Variants in TENM3 observed in about 807,000 individuals in gnomAD.
TENM3 encodes teneurin transmembrane protein 3, also known as teneurin-3.
A neutral mutation model predicts 255.1 loss-of-function variants in TENM3; 63 were observed. That is an observed-to-expected ratio of 0.25 (90% CI 0.20 to 0.30). The LOEUF (loss-of-function observed/expected upper bound fraction) is 0.30, where lower values mean the gene tolerates loss of function less well. Among genes scored for constraint, TENM3 ranks in the 10% least tolerant of loss-of-function variants. The probability of loss-of-function intolerance (pLI) is 1.00; values close to 1 mark genes in which losing one functional copy is unlikely to be tolerated. For synonymous variants in TENM3, 1,306 were observed against 1,322.3 expected, an observed-to-expected ratio of 0.99 and a Z score of 0.27; for missense variants, 2,929 against 3,461.1, an observed-to-expected ratio of 0.85 and a Z score of 3.86.
At chr4:181,893,187 A>G in the TENM3 span, among the ~76,000 whole-genome samples, 1 of 152,178 alleles carries the variant, frequency 6.6e-6, no homozygotes, top group South Asian at 2.1e-4. Flanking sequence ...TAAATGAAAA[A>G]GACTGAATAA....
the TENM3 span, among the ~76,000 whole-genome samples, chr4:181,896,241 T>C: frequency 2.6e-5 from 4 of 152,192 alleles, no homozygotes. Context: ...ATCTAAAAGC[T>C]AGAGAATTTG....
chr4:182,345,640 C>T (rs192162966), intron 2 of TENM3, among the ~76,000 whole-genome samples: 54 of 152,264 alleles, frequency 3.5e-4, no homozygotes, highest in Admixed American at 3.5e-3. Flanking sequence ...ACATTTTTCT[C>T]ACTCTTCTCA....
At chr4:181,835,679 A>G in the TENM3 span, among the ~76,000 whole-genome samples, 2 of 152,204 alleles carry the variant, frequency 1.3e-5, no homozygotes, top group African/African-American at 4.8e-5. Context: ...TACTCCAGTT[A>G]TTTAATGAAG....
chr4:181,572,795 T>G, the TENM3 span, among the ~76,000 whole-genome samples: 1 of 152,220 alleles, frequency 6.6e-6, no homozygotes, highest in Admixed American at 6.5e-5. Context: ...TATTGTTGAC[T>G]GTAATCACTT....
chr4:182,500,348 A>G (rs1736194187), intron 3 of TENM3, among the ~76,000 whole-genome samples: 2 of 152,198 alleles, frequency 1.3e-5, no homozygotes, highest in African/African-American at 4.8e-5. Context: ...AAAAGGGACA[A>G]TAGAAAAATG....
the TENM3 span, among the ~76,000 whole-genome samples, chr4:181,998,866 A>G: frequency 1.3e-5 from 2 of 152,196 alleles, no homozygotes; most frequent in Admixed American, 6.5e-5. Flanking sequence ...GCCCTGGTCA[A>G]ATTCCCAGCT....
At chr4:182,097,117 A>G in the TENM3 span, among the ~76,000 whole-genome samples, 3 of 152,296 alleles carry the variant, frequency 2.0e-5, no homozygotes, top group African/African-American at 7.2e-5. Flanking sequence ...TGTGGCTGAC[A>G]AGGTTCAATT....
chr4:182,666,315 C>T (rs539190666), intron 6 of TENM3, among the ~76,000 whole-genome samples: 17 of 152,132 alleles, frequency 1.1e-4, no homozygotes, highest in Non-Finnish European at 2.4e-4. Flanking sequence ...GGGTTGACTC[C>T]GATTCTGAAA....
chr4:181,855,541 G>A, the TENM3 span, among the ~76,000 whole-genome samples: 2 of 152,146 alleles, frequency 1.3e-5, no homozygotes, highest in Non-Finnish European at 2.9e-5. Context: ...ACAGGGGTTT[G>A]TTTGGCTCCC....
chr4:182,712,510 TTGTC>T (rs754901735), intron 12 of TENM3, among the ~76,000 whole-genome samples: 15 of 151,970 alleles, frequency 9.9e-5, no homozygotes, highest in Non-Finnish European at 1.9e-4. Flanking sequence ...CAGACGGTAA[TTGTC>T]TGAGCGAAAA....
chr4:181,682,816 G>A, the TENM3 span, among the ~76,000 whole-genome samples: 3 of 152,210 alleles, frequency 2.0e-5, no homozygotes, highest in East Asian at 3.9e-4. Flanking sequence ...GGTGGGTAAA[G>A]GGAGAGGCTT....
At chr4:181,828,355 A>G in the TENM3 span, among the ~76,000 whole-genome samples, 7 of 152,190 alleles carry the variant, frequency 4.6e-5, no homozygotes, top group Non-Finnish European at 7.3e-5. Flanking sequence ...GAGGATGCCA[A>G]ATAATATTCC....
chr4:182,449,060 ACAG>A (rs1773205369), intron 3 of TENM3: 1 of 348,586 alleles, frequency 2.9e-6, no homozygotes, highest in Non-Finnish European at 5.8e-6. Flanking sequence ...CCTCACGGCC[ACAG>A]CGAGGGCGCG....
chr4:181,897,660 G>A, the TENM3 span, among the ~76,000 whole-genome samples: 9 of 152,150 alleles, frequency 5.9e-5, no homozygotes, highest in Non-Finnish European at 1.3e-4. Context: ...AGAGATCACT[G>A]GAAATACTGA....
intron 3 of TENM3, among the ~76,000 whole-genome samples, chr4:182,530,671 C>T (rs777597897): frequency 6.6e-6 from 1 of 152,124 alleles, no homozygotes; most frequent in South Asian, 2.1e-4. Flanking sequence ...CTAATGTCCC[C>T]GGGGGAAAAA....
chr4:181,503,788 G>T, the TENM3 span, among the ~76,000 whole-genome samples: 1 of 152,194 alleles, frequency 6.6e-6, no homozygotes, highest in African/African-American at 2.4e-5. Flanking sequence ...GTGGTTCTCA[G>T]CCAAGAGCTT....
chr4:182,504,047 A>G (rs1466035945), intron 3 of TENM3, among the ~76,000 whole-genome samples: 3 of 151,826 alleles, frequency 2.0e-5, no homozygotes, highest in Non-Finnish European at 4.4e-5. Flanking sequence ...GCCTTTCCCA[A>G]CTAGAATATT....
At chr4:182,123,060 C>A in the TENM3 span, among the ~76,000 whole-genome samples, 16 of 152,150 alleles carry the variant, frequency 1.1e-4, no homozygotes, top group Non-Finnish European at 1.8e-4. Flanking sequence ...CTGCAATTTC[C>A]TCGTCTCTCT....
At chr4:181,961,843 C>CCACCAT in the TENM3 span, among the ~76,000 whole-genome samples, 2 of 152,100 alleles carry the variant, frequency 1.3e-5, no homozygotes, top group East Asian at 3.9e-4. Flanking sequence ...ATTGTTTGTT[C>CCACCAT]CACCATAGGC....
Sources: gnomAD v4.1 joint callset for allele counts (sites outside exome capture counted in the v4.1 genomes callset) on GRCh38, gnomAD v4.1.1 for gene constraint, MANE v1.5 for transcripts, NCBI Gene and HGNC (gene_info 2026-07-23, HGNC 2026-07-21) for gene names.